Variants in CREBBP observed in about 807,000 individuals in gnomAD.
CREBBP encodes CREB binding lysine acetyltransferase, also known as CREB-binding protein.
Under a neutral mutation model 265.0 loss-of-function variants are expected in CREBBP, and 19 were observed. The observed-to-expected ratio is 0.07, with a 90% CI of 0.05 to 0.11. CREBBP has a LOEUF of 0.11. CREBBP is among the 10% of genes least tolerant of loss of function. CREBBP has a pLI of 1.00. For missense variants in CREBBP, 2,525 were observed against 3,219.0 expected (o/e 0.78, Z 5.22); for synonymous variants, 1,457 against 1,223.7 (o/e 1.19, Z -3.98).
chr16:3,793,315 G>A (rs1044370126), intron 4 of CREBBP, 71 bp downstream of exon 4: 15 of 1,602,692 alleles, frequency 9.4e-6, no homozygotes, highest in Non-Finnish European at 1.2e-5. Context: ...GAACCAGAGA[G>A]CTGCTGTAAG....
At chr16:3,768,053 C>G in intron 15 of CREBBP, 144 bp from the exon 16 acceptor site, 1 of 737,152 alleles carries the variant, frequency 1.4e-6, no homozygotes, top group South Asian at 1.5e-5. Context: ...CTCTTCTCTT[C>G]CGGAAGAAGA....
chr16:3,817,835 G>C (rs2054067455), intron 2 of CREBBP, among the ~76,000 whole-genome samples: 1 of 151,938 alleles, frequency 6.6e-6, no homozygotes, highest in Admixed American at 6.6e-5. Flanking sequence ...CATTTGGGTG[G>C]GCACCAGTTC....
Position 3,728,366 on chromosome 16 carries a change from C to T in CREBBP, c.6681G>A (p.Gly2227=), listed in dbSNP as rs765513337. Reference sequence around the variant, plus strand: ...CTTGAGGCTGCTGGAACTGGCCGTGCCCCGCCATGCCCCCAGCCATGCCGG... The same window carrying T: ...CTTGAGGCTGCTGGAACTGGCCGTGTCCCGCCATGCCCCCAGCCATGCCGG... ...GSAGMAGGMA[G]HGQFQQPQGP... is the part of the protein sequence containing the mutation. The change falls in exon 31 of 31, where the codon GGG becomes GGA. Residue 2227 remains glycine (G), a synonymous_variant. Transcript: ENST00000262367. The surrounding 1 kb of genome is among the most constrained non-coding windows in gnomAD (Gnocchi z 8.7). 4 of 1,612,074 alleles carry T rather than the reference C, an allele frequency of 2.5e-6. No individual in the cohort carries two copies. The highest frequency in any genetic ancestry group is 3.4e-6 in the Non-Finnish European group (4 of 1,179,352).
At chr16:3,807,536 C>G (rs1196872080) in intron 3 of CREBBP, among the ~76,000 whole-genome samples, 36 of 152,186 alleles carry the variant, frequency 2.4e-4, no homozygotes. Flanking sequence ...CAAAACACAT[C>G]TGAGGAACTG....
rs2141494091 is a variant in CREBBP, at chr16:3,850,666, G to A, written c.429C>T (p.Pro143=). 6 of 1,614,168 alleles carry A rather than the reference G, an allele frequency of 3.7e-6. No homozygotes were observed. The highest frequency in any genetic ancestry group is 5.1e-6 in the Non-Finnish European group (6 of 1,180,050). ...LPKQAASTSG[P]TPAASQALNP... is the part of the protein sequence containing the mutation. ...TCAGTGCTTGGGAGGCAGCGGGGGT[G>A]GGCCCAGAGGTGCTGGCTGCCTGTT... is the stretch of plus-strand genomic sequence containing the variant. The change falls in exon 2 of 31, where the codon CCC becomes CCT. Residue 143 remains proline (P), a synonymous_variant. Transcript: ENST00000262367.
intron 16 of CREBBP, among the ~76,000 whole-genome samples, chr16:3,759,758 T>C (rs1205348173): frequency 1.3e-5 from 2 of 152,196 alleles, no homozygotes; most frequent in African/African-American, 2.4e-5. Context: ...AAGTTCCATA[T>C]TGCTTACTCC....
intron 15 of CREBBP, among the ~76,000 whole-genome samples, 180 bp from the exon 16 acceptor site, chr16:3,768,089 T>C (rs2052902073): frequency 6.7e-6 from 1 of 148,970 alleles, no homozygotes; most frequent in Admixed American, 6.8e-5. Context: ...GTTCATTAAG[T>C]CGCTTCAGCA....
At chr16:3,852,466 C>T (rs755584034) in intron 1 of CREBBP, among the ~76,000 whole-genome samples, 4 of 151,966 alleles carry the variant, frequency 2.6e-5, no homozygotes, top group Non-Finnish European at 4.4e-5. Context: ...CCACCGTGCC[C>T]GGCCGATTAC....
chr16:3,877,323 T>C (rs1213718801), intron 1 of CREBBP, among the ~76,000 whole-genome samples: 1 of 152,234 alleles, frequency 6.6e-6, no homozygotes, highest in Non-Finnish European at 1.5e-5. Flanking sequence ...TCAAGCCATT[T>C]ATTTGTTTAA....
At chr16:3,730,898 G>A (rs1020084531) in intron 30 of CREBBP, among the ~76,000 whole-genome samples, 4 of 152,210 alleles carry the variant, frequency 2.6e-5, no homozygotes, top group African/African-American at 9.7e-5. Context: ...ACAGGACAGC[G>A]GGTGTTTCCA....
chr16:3,827,144 T>C (rs13339620), intron 2 of CREBBP, among the ~76,000 whole-genome samples: 3,612 of 149,296 alleles, frequency 0.024, 140 homozygotes, highest in African/African-American at 0.083. Context: ...GGCAACATAA[T>C]AGCAAGATCT....
rs773968231 is a variant in CREBBP at position 3,727,853 on chromosome 16, T to C, written c.7194A>G (p.Gly2398=). The part of the protein sequence containing the change: ...AVTMASSIDQ[G]HLGNPEQSAM... ...CACTCTGTTCGGGGTTCCCCAAGTG[T>C]CCCTGATCTATGGAGCTGGCCATGG... Residue 2398 remains glycine, a synonymous_variant, in exon 31 of 31, where the codon GGA becomes GGG. Transcript: ENST00000262367. The C allele has an allele frequency of 4.6e-5, 75 of 1,613,924 alleles. No individual in the cohort carries two copies. The highest frequency in any genetic ancestry group is 6.0e-5 in the Non-Finnish European group (71 of 1,180,002).
At chr16:3,738,516 T>A in intron 26 of CREBBP, 43 bp downstream of exon 26, 1 of 1,189,274 alleles carries the variant, frequency 8.4e-7, no homozygotes, top group Non-Finnish European at 1.3e-6. Context: ...CAGTAAAAAA[T>A]AAAGGGTTCT....
intron 5 of CREBBP, among the ~76,000 whole-genome samples, chr16:3,785,624 C>T (rs1350983047): frequency 1.3e-5 from 2 of 152,222 alleles, no homozygotes; most frequent in Non-Finnish European, 2.9e-5. Context: ...CGCAGCGCAG[C>T]CCATGGAGTG....
chr16:3,800,325 T>C (rs748173648), intron 3 of CREBBP, among the ~76,000 whole-genome samples: 5 of 152,102 alleles, frequency 3.3e-5, no homozygotes, highest in Non-Finnish European at 5.9e-5. Context: ...TGCCATGTTG[T>C]TCGAGCTGGT....
chr16:3,801,975 C>G (rs974408832), intron 3 of CREBBP, among the ~76,000 whole-genome samples: 2 of 152,084 alleles, frequency 1.3e-5, no homozygotes, highest in Non-Finnish European at 2.9e-5. Context: ...TCACCCCACC[C>G]ATCATCTTCA....
At position 3,729,331 on chromosome 16, in the gene CREBBP, G is replaced by A; in HGVS notation, c.5716C>T (p.Pro1906Ser). 2 of 1,577,992 alleles carry A rather than the reference G, an allele frequency of 1.3e-6. No homozygotes were observed. The highest frequency in any genetic ancestry group is 1.1e-5 in the South Asian group (1 of 88,500). ...ACGGGTGAGGGTTGGGGCTGGGCAG[G>A]GGGCTGCGGCGTCTGGGGTGTGCTG... is the stretch of plus-strand genomic sequence containing the variant. ...QPSTPQTPQP[P>S]AQPQPSPVSM... Residue 1906 changes from proline to serine, a missense_variant, in exon 31 of 31, where the codon CCT (proline) becomes TCT (serine). Pro to Ser is a moderately conservative substitution (Grantham distance 74, BLOSUM62 -1). This residue lies in a region of CREBBP where 275 missense variants were observed against 276.5 expected (regional missense o/e 0.99). Coordinates refer to ENST00000262367, the MANE Select transcript of CREBBP (RefSeq NM_004380.3).
At chr16:3,748,034 G>A (rs796815856) in intron 21 of CREBBP, among the ~76,000 whole-genome samples, 4 of 152,352 alleles carry the variant, frequency 2.6e-5, no homozygotes, top group African/African-American at 9.6e-5. Context: ...AGGTTGCGGT[G>A]AGCTGAGATT....
chr16:3,770,493 G>A (rs747840473), intron 14 of CREBBP, 77 bp downstream of exon 14: 62 of 1,529,836 alleles, frequency 4.1e-5, no homozygotes, highest in Non-Finnish European at 5.2e-5. Flanking sequence ...ACCGCGCCTG[G>A]CCTGACACAC....
Sources: allele counts gnomAD v4.1 joint callset (sites outside exome capture counted in the v4.1 genomes callset), GRCh38; gene constraint gnomAD v4.1.1; regional missense constraint gnomAD v4.1.1; non-coding constraint Gnocchi (gnomAD v3.1); transcripts MANE v1.5; gene names NCBI Gene and HGNC (gene_info 2026-07-23, HGNC 2026-07-21).